The following GRID1 variants were observed in gnomAD, a reference collection of about 807,000 sequenced individuals.
The protein encoded by GRID1 is glutamate receptor ionotropic, delta-1.
GRID1 carries 28 observed loss-of-function variants against 98.0 expected under a neutral mutation model. The observed-to-expected ratio is 0.29, with a 90% CI of 0.21 to 0.39. GRID1 has a LOEUF of 0.39. GRID1 is among the 10% of genes least tolerant of loss of function. The pLI, the probability that GRID1 is intolerant of heterozygous loss-of-function variation, is 1.00. For missense variants in GRID1, 1,111 were observed against 1,340.5 expected (o/e 0.83, Z 2.67); for synonymous variants, 553 against 538.5 (o/e 1.03, Z -0.37).
intron 2 of GRID1, among the ~76,000 whole-genome samples, chr10:86,254,397 T>C (rs1846884402): frequency 1.3e-5 from 2 of 152,206 alleles, no homozygotes; most frequent in South Asian, 4.1e-4. Context: ...GGGAACTTGT[T>C]AGATTTCAAT....
At chr10:86,048,679 T>C (rs1047337637) in intron 4 of GRID1, among the ~76,000 whole-genome samples, 1 of 152,224 alleles carries the variant, frequency 6.6e-6, no homozygotes, top group East Asian at 1.9e-4. Context: ...GGAAATACCA[T>C]GTGAAGGGGT....
intron 4 of GRID1, among the ~76,000 whole-genome samples, chr10:86,006,989 C>T (rs777151857): frequency 2.6e-5 from 4 of 151,962 alleles, no homozygotes; most frequent in African/African-American, 9.7e-5. Context: ...GGAGCAATCC[C>T]CGTCGTCCTT....
rs1289345865 is a variant in GRID1, at chr10:86,366,413, A to G, written c.-21T>C. On this transcript the variant is annotated 5_prime_UTR_variant, in exon 1 of 16. The change abolishes an upstream ATG in the 5' untranslated region. Transcript: ENST00000327946. The surrounding 1 kb of genome is among the most constrained non-coding windows in gnomAD (Gnocchi z 4.1). ...TCCATGTCCCCCGGGCGCGCGGCTC[A>G]TCCACCCGGGCCCGGGGCGAGGCCG... The G allele has an allele frequency of 1.7e-5, 25 of 1,478,632 alleles. No homozygotes were observed. Among genetic ancestry groups the G allele is most frequent in the Non-Finnish European group, 2.3e-5 (25 of 1,109,596 alleles). The allele number at this position is 1,478,632 out of a possible 1,614,324, so 91.6% of individuals were successfully genotyped here.
At chr10:85,906,376 A>G (rs1469741181) in intron 5 of GRID1, among the ~76,000 whole-genome samples, 2 of 152,194 alleles carry the variant, frequency 1.3e-5, no homozygotes, top group African/African-American at 4.8e-5. Flanking sequence ...AGGATACAGA[A>G]GGCGCAATCA....
intron 2 of GRID1, among the ~76,000 whole-genome samples, chr10:86,247,375 GGATGGATGGAT>G (rs1332942263): frequency 6.6e-6 from 1 of 152,106 alleles, no homozygotes; most frequent in Non-Finnish European, 1.5e-5. Context: ...ACAGATGGAT[GGATGGATGGAT>G]GATGGATGAA....
intron 2 of GRID1, among the ~76,000 whole-genome samples, chr10:86,257,685 C>T (rs1846944040): frequency 6.6e-6 from 1 of 152,122 alleles, no homozygotes; most frequent in African/African-American, 2.4e-5. Context: ...GACAGTGATA[C>T]TATGGGGAAG....
intron 4 of GRID1, among the ~76,000 whole-genome samples, chr10:86,056,738 C>T (rs116669251): frequency 0.011 from 1,699 of 152,338 alleles, 31 homozygotes; most frequent in African/African-American, 0.038. Flanking sequence ...TGCAAAGCCA[C>T]GTGGTGGATC....
chr10:86,283,202 C>T (rs1847380311), intron 2 of GRID1, among the ~76,000 whole-genome samples: 1 of 152,208 alleles, frequency 6.6e-6, no homozygotes, highest in Non-Finnish European at 1.5e-5. Flanking sequence ...CCAGGTAGTC[C>T]TCCCTGGAGA....
At chr10:85,877,632 A>G (rs919449671) in intron 5 of GRID1, among the ~76,000 whole-genome samples, 2 of 152,178 alleles carry the variant, frequency 1.3e-5, no homozygotes, top group African/African-American at 2.4e-5. Context: ...CGTCACCATC[A>G]TCAAAGACCA....
At chr10:85,940,093 G>GAA (rs1841980650) in intron 4 of GRID1, among the ~76,000 whole-genome samples, 1 of 149,602 alleles carries the variant, frequency 6.7e-6, no homozygotes, top group African/African-American at 2.5e-5. Flanking sequence ...AAAAAAGAGA[G>GAA]AGAGAGAGAC....
chr10:86,117,486 C>A (rs1844601505), intron 4 of GRID1, among the ~76,000 whole-genome samples: 1 of 152,030 alleles, frequency 6.6e-6, no homozygotes, highest in East Asian at 1.9e-4. Context: ...ACAACACCAT[C>A]ACCAGCATCA....
chr10:85,647,301 G>C lies in GRID1; in HGVS notation c.2094C>G (p.Pro698=). The C allele has an allele frequency of 3.1e-6, 5 of 1,614,238 alleles. No individual in the cohort carries two copies. In the South Asian group the frequency reaches 5.5e-5, roughly 18 times the overall value. ...YEYFRAKGTN[P]LEQDSTFAEL... ...CAGCAAACGTGCTGTCCTGCTCCAGGGGGTTGGTGCCCTTGGCTCGGAAGT... is the reference window on the plus strand; with the variant it reads ...CAGCAAACGTGCTGTCCTGCTCCAGCGGGTTGGTGCCCTTGGCTCGGAAGT... The change falls in exon 13 of 16, where the codon CCC becomes CCG. Residue 698 remains proline (P), a synonymous_variant. Transcript: ENST00000327946.
intron 5 of GRID1, among the ~76,000 whole-genome samples, chr10:85,900,102 G>A (rs889425470): frequency 6.6e-6 from 1 of 152,206 alleles, no homozygotes; most frequent in South Asian, 2.1e-4. Context: ...CACAGAAAGA[G>A]GTTCTGGTGG....
intron 8 of GRID1, among the ~76,000 whole-genome samples, chr10:85,814,707 A>G (rs1842701334): frequency 6.6e-6 from 1 of 152,004 alleles, no homozygotes; most frequent in African/African-American, 2.4e-5. Flanking sequence ...ACCTTGAAAC[A>G]TACAAACTAC....
intron 2 of GRID1, among the ~76,000 whole-genome samples, chr10:86,343,864 G>A (rs1848345369): frequency 6.6e-6 from 1 of 152,244 alleles, no homozygotes; most frequent in African/African-American, 2.4e-5. Context: ...AGTCTGAACT[G>A]GGGGAGAATG....
chr10:86,307,189 T>C (rs76521595), intron 2 of GRID1, among the ~76,000 whole-genome samples: 3,481 of 152,342 alleles, frequency 0.023, 45 homozygotes, highest in Middle Eastern at 0.054. Context: ...GCAATCTCAC[T>C]TCTGGACATG....
chr10:86,346,777 C>A (rs980838928), intron 2 of GRID1, among the ~76,000 whole-genome samples: 3 of 152,194 alleles, frequency 2.0e-5, no homozygotes, highest in African/African-American at 7.2e-5. Flanking sequence ...GCCCAGGACT[C>A]CTCCTTGTCC....
At chr10:86,107,647 C>T (rs561278229) in intron 4 of GRID1, among the ~76,000 whole-genome samples, 1 of 152,348 alleles carries the variant, frequency 6.6e-6, no homozygotes, top group South Asian at 2.1e-4. Flanking sequence ...TGCCCCTATC[C>T]TGTGCCCATA....
At chr10:85,720,872 T>C (rs1841693851) in intron 12 of GRID1, among the ~76,000 whole-genome samples, 1 of 152,098 alleles carries the variant, frequency 6.6e-6, no homozygotes, top group Non-Finnish European at 1.5e-5. Context: ...TTGAACCTCA[T>C]CAAAATTAAA....
Sources: allele counts gnomAD v4.1 joint callset (sites outside exome capture counted in the v4.1 genomes callset), GRCh38; gene constraint gnomAD v4.1.1; non-coding constraint Gnocchi (gnomAD v3.1); transcripts MANE v1.5; gene names NCBI Gene and HGNC (gene_info 2026-07-23, HGNC 2026-07-21).